Variants in GRIK4 observed in about 807,000 individuals in gnomAD.
The protein encoded by GRIK4 is glutamate receptor ionotropic, kainate 4.
In GRIK4, 40 loss-of-function variants were observed where a neutral mutation model predicts 104.9. That is an observed-to-expected ratio of 0.38 (90% CI 0.30 to 0.50). The LOEUF is 0.50. GRIK4 is among the 20% of genes least tolerant of loss of function. The pLI is 0.93. For missense variants in GRIK4, 1,047 were observed against 1,308.1 expected (o/e 0.80, Z 3.08); for synonymous variants, 485 against 524.9 (o/e 0.92, Z 1.04).
chr11:120,776,104 G>A (rs1316562355), intron 3 of GRIK4, among the ~76,000 whole-genome samples: 1 of 152,220 alleles, frequency 6.6e-6, no homozygotes, highest in Non-Finnish European at 1.5e-5. Flanking sequence ...GCCTCCCAGT[G>A]TTGTGCCAAT....
intron 1 of GRIK4, among the ~76,000 whole-genome samples, chr11:120,583,899 T>C (rs1358721616): frequency 6.6e-6 from 1 of 152,242 alleles, no homozygotes; most frequent in Non-Finnish European, 1.5e-5. Context: ...TCAGCAGTGT[T>C]TTGTAATTCT....
chr11:120,693,355 G>A (rs183215267), intron 3 of GRIK4, among the ~76,000 whole-genome samples: 17 of 151,036 alleles, frequency 1.1e-4, no homozygotes, highest in Non-Finnish European at 2.1e-4. Context: ...TTCGCCTGGC[G>A]TGGCCTCCCA....
At chr11:120,617,631 C>G (rs1722157818) in intron 1 of GRIK4, among the ~76,000 whole-genome samples, 1 of 152,094 alleles carries the variant, frequency 6.6e-6, no homozygotes, top group Non-Finnish European at 1.5e-5. Context: ...GGTGGATTTC[C>G]CTCTTCGTGC....
chr11:120,948,492 A>C (rs915019885), intron 14 of GRIK4, among the ~76,000 whole-genome samples: 3 of 152,140 alleles, frequency 2.0e-5, no homozygotes, highest in African/African-American at 7.2e-5. Flanking sequence ...ATTGAGTTCT[A>C]AAGGTTGGAA....
chr11:120,695,935 G>C (rs1950441388), intron 3 of GRIK4, among the ~76,000 whole-genome samples: 1 of 152,160 alleles, frequency 6.6e-6, no homozygotes, highest in Non-Finnish European at 1.5e-5. Flanking sequence ...CTGCTCCATG[G>C]ACCAGTAGGA....
In GRIK4 at chr11:120,905,350, G is replaced by A. The variant is rs1264783452; in HGVS notation, c.1333G>A (p.Glu445Lys). The change falls in exon 13 of 21, where the codon GAG becomes AAG. Residue 445 changes from glutamate (E) to lysine (K), a missense_variant. Coordinates refer to ENST00000527524, the MANE Select transcript of GRIK4 (RefSeq NM_014619.5). This position sits in a 1 kb window ranked among gnomAD's most constrained non-coding sequence, Gnocchi z 5.1. Reference sequence around the variant, plus strand: ...GGAGATGGAAGGCAATGACCGCTACGAGGGCTTCTGTGTGGACATGCTCAA... The same window carrying A: ...GGAGATGGAAGGCAATGACCGCTACAAGGGCTTCTGTGTGGACATGCTCAA... ...HQEMEGNDRY[E>K]GFCVDMLKEL... 3.1e-6 allele frequency: 5 copies of A among 1,613,994 alleles called. No individual in the cohort carries two copies. In the African/African-American group the frequency reaches 4.0e-5, roughly 13 times the overall value.
intron 1 of GRIK4, among the ~76,000 whole-genome samples, chr11:120,629,792 C>G (rs1229660648): frequency 2.0e-5 from 3 of 152,176 alleles, no homozygotes; most frequent in African/African-American, 7.2e-5. Flanking sequence ...GGGGAGTTGG[C>G]CTTTTGCTAG....
rs538139603 is a variant in GRIK4 at position 120,953,038 on chromosome 11, G to A, written c.1700+74G>A. 7 of 947,806 alleles carry A rather than the reference G, an allele frequency of 7.4e-6. No individual in the cohort carries two copies. The highest frequency in any genetic ancestry group is 7.2e-5 in the East Asian group (3 of 41,562). The allele number at this position is 947,806 out of a possible 1,614,324, so 58.7% of individuals were successfully genotyped here. A position where few individuals can be genotyped will look rare whatever the true frequency, so the allele number is the denominator to read the frequency against. ...CCTCTGGGAACTGCATGGGGAGGGG[G>A]TGGGGAGGAGGAGAGGGGGAGGAGG... On this transcript the variant is annotated intron_variant, in intron 15 of 20. Transcript: ENST00000527524. This position sits in a 1 kb window ranked among gnomAD's most constrained non-coding sequence, Gnocchi z 4.9.
chr11:120,769,300 C>A (rs35114640), intron 3 of GRIK4, among the ~76,000 whole-genome samples: 32,160 of 151,884 alleles, frequency 0.21, 4,667 homozygotes, highest in African/African-American at 0.41. Context: ...CATTTCCTCT[C>A]GGTTGTTCAG....
At chr11:120,647,853 T>G (rs568323373) in intron 1 of GRIK4, among the ~76,000 whole-genome samples, 1 of 152,262 alleles carries the variant, frequency 6.6e-6, no homozygotes, top group Non-Finnish European at 1.5e-5. Flanking sequence ...CCAGGGAGCT[T>G]CTTGAGGGAA....
intron 3 of GRIK4, among the ~76,000 whole-genome samples, chr11:120,747,827 C>T (rs943712604): frequency 1.3e-5 from 2 of 152,196 alleles, no homozygotes; most frequent in Non-Finnish European, 2.9e-5. Context: ...AAAATCTTTG[C>T]GTGTGCGTGG....
At chr11:120,530,505 T>A (rs7103143) in intron 1 of GRIK4, among the ~76,000 whole-genome samples, 4,728 of 152,330 alleles carry the variant, frequency 0.031, 239 homozygotes, top group African/African-American at 0.11. Flanking sequence ...CAGAGGCAGC[T>A]TCTCCAGGCT....
rs528818172 is a variant in GRIK4, at chr11:120,778,530, A to G, written c.83-24163A>G. On this transcript the variant is annotated intron_variant, in intron 3 of 20. Transcript: ENST00000527524. ...CTGATTTAAAACATAAAGTTTTAAAATCGGCTTTTTCAAACACTGATTTAC... is the reference window on the plus strand; with the variant it reads ...CTGATTTAAAACATAAAGTTTTAAAGTCGGCTTTTTCAAACACTGATTTAC... 2.6e-5 allele frequency among the ~76,000 whole-genome samples: 4 copies of G among 152,374 alleles called. No homozygotes were observed. In the South Asian group the frequency reaches 8.3e-4, roughly 32 times the overall value.
chr11:120,517,715 A>G (rs1214591841), intron 1 of GRIK4, among the ~76,000 whole-genome samples: 1 of 152,122 alleles, frequency 6.6e-6, no homozygotes, highest in Non-Finnish European at 1.5e-5. Context: ...AGTAAACTCT[A>G]CTTCACGGAG....
intron 3 of GRIK4, among the ~76,000 whole-genome samples, chr11:120,732,908 A>G (rs1384235704): frequency 6.6e-6 from 1 of 152,172 alleles, no homozygotes; most frequent in Admixed American, 6.5e-5. Context: ...TTCTTTTTGG[A>G]AGATCTGTCC....
intron 3 of GRIK4, among the ~76,000 whole-genome samples, chr11:120,776,896 A>G (rs141129418): frequency 4.2e-3 from 636 of 152,286 alleles, no homozygotes; most frequent in Non-Finnish European, 7.6e-3. Flanking sequence ...GTCCCCTTAC[A>G]TAGAAGTGGC....
At chr11:120,881,844 T>C (rs1277175311) in intron 11 of GRIK4, among the ~76,000 whole-genome samples, 1 of 152,090 alleles carries the variant, frequency 6.6e-6, no homozygotes, top group Non-Finnish European at 1.5e-5. Context: ...TCCTGAGTCA[T>C]GTAAAGGCAG....
chr11:120,934,722 AG>A (rs1238928129), intron 13 of GRIK4, among the ~76,000 whole-genome samples: 1 of 152,196 alleles, frequency 6.6e-6, no homozygotes, highest in Non-Finnish European at 1.5e-5. Flanking sequence ...AGTCAAAAAT[AG>A]GGAGAGGAGA....
chr11:120,591,723 A>G (rs895793350), intron 1 of GRIK4, among the ~76,000 whole-genome samples: 20 of 152,212 alleles, frequency 1.3e-4, no homozygotes, highest in African/African-American at 4.8e-4. Flanking sequence ...GTGTTTGCCT[A>G]TGGATTGATG....
Sources: allele counts gnomAD v4.1 joint callset (sites outside exome capture counted in the v4.1 genomes callset), GRCh38; gene constraint gnomAD v4.1.1; non-coding constraint Gnocchi (gnomAD v3.1); transcripts MANE v1.5; gene names NCBI Gene and HGNC (gene_info 2026-07-23, HGNC 2026-07-21).